Variants in MYO1D observed in about 807,000 individuals in gnomAD.
MYO1D encodes the protein myosin ID.
A neutral mutation model predicts 122.0 loss-of-function variants in MYO1D; 83 were observed. That is an observed-to-expected ratio of 0.68 (90% confidence interval 0.57 to 0.82). MYO1D has a LOEUF of 0.82. Among genes scored for constraint, MYO1D ranks in the 40% least tolerant of loss-of-function variants. The probability of loss-of-function intolerance (pLI) is 0.00; values close to 1 mark genes in which losing one functional copy is unlikely to be tolerated. For synonymous variants in MYO1D, 464 were observed against 446.9 expected (o/e 1.04, Z -0.48); for missense variants, 1,157 against 1,269.5 (o/e 0.91, Z 1.35).
intron 16 of MYO1D, among the ~76,000 whole-genome samples, chr17:32,675,747 G>C (rs1357874113): frequency 6.6e-6 from 1 of 151,854 alleles, no homozygotes; most frequent in East Asian, 1.9e-4. Context: ...TTTGTCACTG[G>C]TGTTTTGTTT....
intron 1 of MYO1D, among the ~76,000 whole-genome samples, chr17:32,860,330 T>C (rs540210141): frequency 6.6e-6 from 1 of 152,330 alleles, no homozygotes; most frequent in East Asian, 1.9e-4. Context: ...TCTTTTTAGC[T>C]GCCCCCAACA....
chr17:32,810,358 T>G (rs543183118), intron 1 of MYO1D, among the ~76,000 whole-genome samples: 1 of 152,306 alleles, frequency 6.6e-6, no homozygotes, highest in Non-Finnish European at 1.5e-5. Context: ...GGGTGTCCTG[T>G]GTCAGAATGT....
intron 1 of MYO1D, among the ~76,000 whole-genome samples, chr17:32,820,308 T>G (rs2090649256): frequency 6.6e-6 from 1 of 152,200 alleles, no homozygotes; most frequent in Non-Finnish European, 1.5e-5. Context: ...TGAAGACAGA[T>G]CTTCACCCCA....
intron 16 of MYO1D, among the ~76,000 whole-genome samples, chr17:32,708,528 C>T (rs1044747947): frequency 2.0e-5 from 3 of 152,072 alleles, no homozygotes; most frequent in African/African-American, 7.2e-5. Context: ...TCCTAACTTC[C>T]CATTAAATTT....
intron 15 of MYO1D, among the ~76,000 whole-genome samples, chr17:32,720,485 AAACC>A (rs2089497433): frequency 6.6e-6 from 1 of 152,160 alleles, no homozygotes; most frequent in African/African-American, 2.4e-5. Flanking sequence ...GCCAGGAATC[AAACC>A]AGGCAGACTG....
At chr17:32,838,560 A>G (rs935430798) in intron 1 of MYO1D, among the ~76,000 whole-genome samples, 3 of 152,132 alleles carry the variant, frequency 2.0e-5, no homozygotes, top group Non-Finnish European at 2.9e-5. Context: ...GACAGACGGG[A>G]AAAGTACAGG....
chr17:32,626,680 G>A (rs140287204), intron 20 of MYO1D, among the ~76,000 whole-genome samples: 9 of 152,212 alleles, frequency 5.9e-5, no homozygotes, highest in East Asian at 1.9e-4. Context: ...GCTTAGTAGC[G>A]TTTGGCATAA....
chr17:32,566,921 C>T (rs1450028289), intron 21 of MYO1D, among the ~76,000 whole-genome samples: 1 of 150,722 alleles, frequency 6.6e-6, no homozygotes, highest in Non-Finnish European at 1.5e-5. Flanking sequence ...GAATGGGAGC[C>T]TCTGCATCCA....
intron 20 of MYO1D, among the ~76,000 whole-genome samples, chr17:32,625,265 T>C (rs1205880466): frequency 1.3e-5 from 2 of 151,826 alleles, no homozygotes; most frequent in Admixed American, 6.5e-5. Flanking sequence ...AAGACTTAAA[T>C]AGATAAATAA....
chr17:32,522,890 C>T (rs1001616208), intron 21 of MYO1D, among the ~76,000 whole-genome samples: 6 of 151,110 alleles, frequency 4.0e-5, no homozygotes, highest in African/African-American at 1.5e-4. Context: ...GATCTCGGCT[C>T]ACTGCAAGCT....
At chr17:32,596,842 A>G (rs2087498149) in intron 21 of MYO1D, among the ~76,000 whole-genome samples, 1 of 152,222 alleles carries the variant, frequency 6.6e-6, no homozygotes, top group Non-Finnish European at 1.5e-5. Flanking sequence ...TGGTGACTTC[A>G]TAGTTAGGGC....
intron 1 of MYO1D, among the ~76,000 whole-genome samples, chr17:32,842,886 C>CTTTTTTTTTT (rs34927176): frequency 5.0e-4 from 52 of 104,452 alleles, no homozygotes; most frequent in Non-Finnish European, 6.9e-4. Flanking sequence ...CTATTTCTTT[C>CTTTTTTTTTT]TTTTTTTTTT....
chr17:32,554,656 T>A (rs16967400), intron 21 of MYO1D, among the ~76,000 whole-genome samples: 2 of 152,150 alleles, frequency 1.3e-5, no homozygotes, highest in East Asian at 3.9e-4. Context: ...ACTGGGAAAG[T>A]ATCTGCAAGT....
intron 16 of MYO1D, among the ~76,000 whole-genome samples, chr17:32,699,584 T>C (rs1443976160): frequency 6.6e-6 from 1 of 152,218 alleles, no homozygotes; most frequent in Non-Finnish European, 1.5e-5. Flanking sequence ...TTATATGGTA[T>C]GATAACAGTA....
At chr17:32,663,571 C>T (rs1404509434) in intron 16 of MYO1D, among the ~76,000 whole-genome samples, 6 of 152,118 alleles carry the variant, frequency 3.9e-5, no homozygotes, top group Non-Finnish European at 5.9e-5. Flanking sequence ...TTTTTCATGT[C>T]TAGTGGAGCT....
At chr17:32,876,616 G>C (rs1342864150) in intron 1 of MYO1D, 162 bp downstream of exon 1, 3 of 526,730 alleles carry the variant, frequency 5.7e-6, no homozygotes, top group Non-Finnish European at 9.4e-6. Flanking sequence ...TCGGGAAAGC[G>C]CAGCCGCGGA....
intron 16 of MYO1D, among the ~76,000 whole-genome samples, chr17:32,699,015 T>C (rs1765017056): frequency 6.6e-6 from 1 of 152,152 alleles, no homozygotes; most frequent in African/African-American, 2.4e-5. Flanking sequence ...TCGCCCAGGT[T>C]GGAGTGCAGT....
intron 1 of MYO1D, among the ~76,000 whole-genome samples, chr17:32,839,894 C>T (rs1395082707): frequency 1.3e-5 from 2 of 152,214 alleles, no homozygotes; most frequent in Admixed American, 6.5e-5. Context: ...TCTGACAAAA[C>T]TACCAGACAC....
At chr17:32,721,590 GT>G (rs1449147063) in intron 14 of MYO1D, among the ~76,000 whole-genome samples, 1 of 152,170 alleles carries the variant, frequency 6.6e-6, no homozygotes, top group Non-Finnish European at 1.5e-5. Context: ...CTTTGTTAAT[GT>G]TAATATTATG....
Sources: gnomAD v4.1 joint callset for allele counts (sites outside exome capture counted in the v4.1 genomes callset) on GRCh38, gnomAD v4.1.1 for gene constraint, MANE v1.5 for transcripts, NCBI Gene and HGNC (gene_info 2026-07-23, HGNC 2026-07-21) for gene names.